TCF7: variants seen among roughly 807,000 people sequenced by gnomAD.
The protein encoded by TCF7 is transcription factor 7, also known as T-cell-factor-7.
Under a neutral mutation model 46.8 loss-of-function variants are expected in TCF7, and 19 were observed. That is an observed-to-expected ratio of 0.41 (90% CI 0.28 to 0.60). The LOEUF (loss-of-function observed/expected upper bound fraction) is 0.60. Among genes scored for constraint, TCF7 ranks in the 20% least tolerant of loss-of-function variants. The pLI is 0.35. For synonymous variants in TCF7, 245 were observed against 213.4 expected (o/e 1.15, Z -1.29); for missense variants, 547 against 504.6 (o/e 1.08, Z -0.81).
chr5:134,122,304 A>G (rs1756704107), intron 3 of TCF7, among the ~76,000 whole-genome samples: 2 of 152,154 alleles, frequency 1.3e-5, no homozygotes, highest in Non-Finnish European at 2.9e-5. Context: ...TCAGCAGGGT[A>G]GGAAAGACCT....
chr5:134,138,140 C>T lies in TCF7; in HGVS notation c.523C>T (p.Pro175Ser). 1.9e-6 allele frequency: 3 copies of T among 1,613,756 alleles called. No homozygotes were observed. Among genetic ancestry groups the T allele is most frequent in the Non-Finnish European group, 1.7e-6 (2 of 1,179,828 alleles). ...HFNSPHPTPA[P>S]ADISQKQVHR... is the part of the protein sequence containing the mutation. Reference sequence around the variant, plus strand: ...CAACAGCCCACATCCCACCCCTGCACCTGCGGACATCAGCCAGAAGCAAGG... The same window carrying T: ...CAACAGCCCACATCCCACCCCTGCATCTGCGGACATCAGCCAGAAGCAAGG... The change falls in exon 4 of 10, where the codon CCT becomes TCT. Residue 175 changes from proline to serine, a missense_variant. By Grantham distance (74) the Pro-to-Ser change is moderately conservative (BLOSUM62 -1). Around this residue, in one of 3 missense-constraint regions of TCF7, gnomAD observed 425 missense variants for 349.9 expected, o/e 1.21. Coordinates refer to ENST00000342854, the MANE Select transcript of TCF7 (RefSeq NM_003202.5).
chr5:134,113,824 A>G (rs1755432036), upstream of TCF7, among the ~76,000 whole-genome samples: 1 of 152,228 alleles, frequency 6.6e-6, no homozygotes, highest in African/African-American at 2.4e-5. Flanking sequence ...GCCAGGGTCA[A>G]CTTCAGAGTC....
chr5:134,127,455 C>T (rs147621150), intron 3 of TCF7, among the ~76,000 whole-genome samples: 1 of 152,368 alleles, frequency 6.6e-6, no homozygotes, highest in Non-Finnish European at 1.5e-5. Flanking sequence ...GGATCACTTC[C>T]TCTTTCTAGT....
intron 3 of TCF7, among the ~76,000 whole-genome samples, chr5:134,122,887 GACTT>G (rs1169088806): frequency 2.0e-5 from 3 of 152,208 alleles, no homozygotes; most frequent in Non-Finnish European, 1.5e-5. Flanking sequence ...TCAGGGAAGG[GACTT>G]ATCCAAGGCC....
At position 134,114,753 on chromosome 5, in the gene TCF7, C is replaced by A; in HGVS notation, c.-154C>A. 2 of 769,088 alleles carry A rather than the reference C, an allele frequency of 2.6e-6. No homozygotes were observed. The highest frequency in any genetic ancestry group is 3.2e-6 in the Non-Finnish European group (2 of 633,846). The allele number at this position is 769,088 out of a possible 1,614,324, so 47.6% of individuals were successfully genotyped here. ...CCGCTCTGCCCCGCGCCCTAGCCCGCGCCTGCAGCCCGCCCAGGCGGAGTC... is the reference window on the plus strand; with the variant it reads ...CCGCTCTGCCCCGCGCCCTAGCCCGAGCCTGCAGCCCGCCCAGGCGGAGTC... On this transcript the variant is annotated 5_prime_UTR_variant, in exon 1 of 10. Coordinates refer to ENST00000342854, the MANE Select transcript of TCF7 (RefSeq NM_003202.5).
intron 3 of TCF7, among the ~76,000 whole-genome samples, chr5:134,135,117 C>G (rs1458597285): frequency 3.9e-5 from 6 of 152,124 alleles, no homozygotes; most frequent in Admixed American, 3.9e-4. Context: ...CCATGCCCAG[C>G]TAGTTATTTT....
chr5:134,143,730 T>C lies in TCF7; in HGVS notation c.1075+90T>C, dbSNP rs909139581. On this transcript the variant is annotated intron_variant, in intron 9 of 9. Transcript: ENST00000342854. The stretch of plus-strand genomic sequence containing the variant: ...CTCTGACCCAAAGGGAGGAACGCGG[T>C]ACCCAGCTAGGAGCCTTCAGGGCCT... 12 of 1,522,552 alleles carry C rather than the reference T, an allele frequency of 7.9e-6. No homozygotes were observed. The African/African-American group carries it at 1.7e-4, about 21-fold the overall frequency. 94.3% of individuals were successfully genotyped at this position (1,522,552 alleles called of 1,614,324 possible). A position where few individuals can be genotyped will look rare whatever the true frequency, so the allele number is the denominator to read the frequency against.
intron 9 of TCF7, chr5:134,145,014 ATAG>A (rs797018515): frequency 2.8e-6 from 2 of 712,118 alleles, no homozygotes; most frequent in African/African-American, 3.5e-5. Context: ...CCTCCTGAGA[ATAG>A]TAGTAAATAC....
At chr5:134,143,543 C>T (rs372058039) in intron 8 of TCF7, 49 bp from the exon 9 acceptor site, 17 of 1,612,846 alleles carry the variant, frequency 1.1e-5, no homozygotes, top group Non-Finnish European at 1.4e-5. Context: ...TGTGGGTATC[C>T]CAATGTCTGC....
intron 3 of TCF7, among the ~76,000 whole-genome samples, chr5:134,124,634 C>A (rs1432959963): frequency 6.6e-6 from 1 of 152,208 alleles, no homozygotes; most frequent in Admixed American, 6.5e-5. Flanking sequence ...ATCAGAGGAG[C>A]AGACACTCTG....
intron 3 of TCF7, among the ~76,000 whole-genome samples, chr5:134,119,297 CAGAA>C (rs1204448552): frequency 2.6e-5 from 4 of 152,128 alleles, no homozygotes; most frequent in Non-Finnish European, 4.4e-5. Context: ...TCCATAGAGA[CAGAA>C]AGAGGATTAG....
chr5:134,146,569 G>C lies in TCF7; in HGVS notation c.*266G>C, dbSNP rs778668600. Reference sequence around the variant, plus strand: ...CTCCAGGAGCCTACCCCCTGAAAGTGACAGAGACCCAGATCTCATGGAAAC... The same window carrying C: ...CTCCAGGAGCCTACCCCCTGAAAGTCACAGAGACCCAGATCTCATGGAAAC... On this transcript the variant is annotated 3_prime_UTR_variant, in exon 10 of 10. Coordinates refer to ENST00000342854, the MANE Select transcript of TCF7 (RefSeq NM_003202.5). The C allele has an allele frequency of 1.4e-6, 1 of 707,190 alleles. No homozygotes were observed. 43.8% of individuals were successfully genotyped at this position (707,190 alleles called of 1,614,324 possible). A position where few individuals can be genotyped will look rare whatever the true frequency, so the allele number is the denominator to read the frequency against.
intron 5 of TCF7, chr5:134,140,492 G>C (rs1158097478): frequency 4.2e-6 from 1 of 240,164 alleles, no homozygotes; most frequent in African/African-American, 2.4e-5. Flanking sequence ...GTTAACAGTG[G>C]CTGCAATGGC....
chr5:134,130,762 C>T (rs1758006879), intron 3 of TCF7, among the ~76,000 whole-genome samples: 1 of 152,140 alleles, frequency 6.6e-6, no homozygotes, highest in Admixed American at 6.5e-5. Flanking sequence ...CTGTGCCCAG[C>T]CCCAGCCAGG....
At chr5:134,135,253 G>A (rs764976883) in intron 3 of TCF7, among the ~76,000 whole-genome samples, 19 of 152,132 alleles carry the variant, frequency 1.2e-4, no homozygotes, top group Non-Finnish European at 2.1e-4. Flanking sequence ...AAGCCACTGC[G>A]CCCAGCCCAC....
chr5:134,140,461 A>G (rs1759569901), intron 5 of TCF7: 1 of 209,712 alleles, frequency 4.8e-6, no homozygotes, highest in Non-Finnish European at 9.7e-6. Flanking sequence ...AAGCAGGCAA[A>G]GTGGTGCAAA....
rs539725579 is a variant in TCF7 at position 134,130,658 on chromosome 5, A to C, written c.442-7401A>C. Among the ~76,000 whole-genome samples the C allele has an allele frequency of 5.2e-4, 79 of 152,294 alleles. No individual in the cohort carries two copies. The Middle Eastern group carries it at 0.014, about 26-fold the overall frequency. On this transcript the variant is annotated intron_variant, in intron 3 of 9. Coordinates refer to ENST00000342854, the MANE Select transcript of TCF7 (RefSeq NM_003202.5). Reference sequence around the variant, plus strand: ...GGCAGGAGAGGACGGGGGTAGGAGGAGGCCAAAGGGTCTTAGGTACCAGGT... The same window carrying C: ...GGCAGGAGAGGACGGGGGTAGGAGGCGGCCAAAGGGTCTTAGGTACCAGGT...
chr5:134,140,507 G>C (rs1561690193), intron 5 of TCF7: 1 of 285,644 alleles, frequency 3.5e-6, no homozygotes, highest in Non-Finnish European at 6.8e-6. Flanking sequence ...AATGGCCCCA[G>C]GACAGATATC....
chr5:134,115,041 G>C lies in TCF7; in HGVS notation c.135G>C (p.Glu45Asp). The change falls in exon 1 of 10, where the codon GAG (glutamate) becomes GAC (aspartate). Residue 45 changes from glutamate (E) to aspartate (D), a missense_variant. By Grantham distance (45) the Glu-to-Asp change is conservative. This residue lies in a region of TCF7 where 425 missense variants were observed against 349.9 expected (regional missense o/e 1.21). Coordinates refer to ENST00000342854, the MANE Select transcript of TCF7 (RefSeq NM_003202.5). Reference protein sequence around the residue: ...DKSRDSAAGPERDLAELKSSL... With the variant: ...DKSRDSAAGPDRDLAELKSSL... ...GCCGCGACAGCGCCGCCGGTCCCGA[G>C]CGCGACCTGGCCGAGCTCAAGTCGT... 8.1e-7 allele frequency: 1 copy of C among 1,237,612 alleles called. No homozygotes were observed. The allele number at this position is 1,237,612 out of a possible 1,614,324, so 76.7% of individuals were successfully genotyped here.
Sources: gnomAD v4.1 joint callset for allele counts (sites outside exome capture counted in the v4.1 genomes callset) on GRCh38, gnomAD v4.1.1 for gene constraint, gnomAD v4.1.1 regional missense constraint, MANE v1.5 for transcripts, NCBI Gene and HGNC (gene_info 2026-07-23, HGNC 2026-07-21) for gene names.